The following CCT3 variants were observed in gnomAD, a reference collection of about 807,000 sequenced individuals.
CCT3 encodes the protein chaperonin containing TCP1 subunit 3, also known as T-complex protein 1 subunit gamma.
CCT3 carries 10 observed loss-of-function variants against 65.3 expected under a neutral mutation model. That is an observed-to-expected ratio of 0.15 (90% CI 0.09 to 0.26). The LOEUF is 0.26. Ranked by LOEUF, CCT3 falls within the 10% of genes least tolerant of loss-of-function variation. CCT3 has a pLI of 1.00. For synonymous variants in CCT3, 225 were observed against 242.3 expected, an observed-to-expected ratio of 0.93 and a Z score of 0.66; for missense variants, 626 against 708.7, an observed-to-expected ratio of 0.88 and a Z score of 1.33.
chr1:156,313,351 A>G (rs143871611), intron 10 of CCT3, among the ~76,000 whole-genome samples: 39 of 8,902 alleles, frequency 4.4e-3, no homozygotes, highest in Admixed American at 7.7e-3. Context: ...AAAAAAAAAG[A>G]AAAAAAAAAA....
chr1:156,324,689 G>A (rs1057230485), intron 6 of CCT3, among the ~76,000 whole-genome samples: 2 of 151,898 alleles, frequency 1.3e-5, no homozygotes, highest in Non-Finnish European at 1.5e-5. Context: ...GCACAGTGGG[G>A]CCATCTCAGC....
At chr1:156,333,693 C>T (rs987807600) in intron 4 of CCT3, 50 bp from the exon 5 acceptor site, 2 of 1,394,788 alleles carry the variant, frequency 1.4e-6, no homozygotes, top group Non-Finnish European at 2.0e-6. Flanking sequence ...GACCTCTGAA[C>T]TCATGAAGCT....
At chr1:156,337,860 G>A in intron 1 of CCT3, 1 of 501,730 alleles carries the variant, frequency 2.0e-6, no homozygotes, top group South Asian at 3.0e-5. Context: ...AAGGGCGCAG[G>A]GGCGGGGGAA....
intron 1 of CCT3, chr1:156,337,174 G>A (rs1218263440): frequency 3.9e-6 from 3 of 764,588 alleles, no homozygotes; most frequent in Non-Finnish European, 5.7e-6. Flanking sequence ...GGAGGCCGAG[G>A]TGGGCGGATC....
intron 3 of CCT3, 39 bp from the exon 4 acceptor site, chr1:156,334,814 A>G (rs1558274881): frequency 4.3e-6 from 7 of 1,613,826 alleles, no homozygotes; most frequent in African/African-American, 1.3e-5. Flanking sequence ...AGTGTCCTAG[A>G]TAACAGGAAG....
At position 156,329,615 on chromosome 1, in the gene CCT3, T is replaced by C. The variant is rs143651426; in HGVS notation, c.304+3932A>G. On this transcript the variant is annotated intron_variant, in intron 5 of 13. Coordinates refer to ENST00000295688, the MANE Select transcript of CCT3 (RefSeq NM_005998.5). ...CCACCGCGCCCAGCCCATATCCCCA[T>C]CATTAAGCAGCATATTATTGCATTT... Among the ~76,000 whole-genome samples the C allele has an allele frequency of 7.0e-3, 1,049 of 150,208 alleles. 13 individuals are homozygous for C. Among genetic ancestry groups the C allele is most frequent in the African/African-American group, 0.025 (1,009 of 41,118 alleles).
chr1:156,328,505 T>G (rs1165177240), intron 5 of CCT3, among the ~76,000 whole-genome samples: 1 of 152,072 alleles, frequency 6.6e-6, no homozygotes, highest in African/African-American at 2.4e-5. Context: ...CATTTTGTTC[T>G]GTACTAAGAA....
chr1:156,335,028 T>A (rs1458856063), intron 2 of CCT3, 110 bp from the exon 3 acceptor site: 2 of 867,780 alleles, frequency 2.3e-6, no homozygotes, highest in Non-Finnish European at 3.6e-6. Flanking sequence ...CAGTGTTTTA[T>A]TTTATTTTAA....
intron 7 of CCT3, 130 bp from the exon 8 acceptor site, chr1:156,319,147 C>G: frequency 2.7e-6 from 2 of 740,402 alleles, no homozygotes; most frequent in South Asian, 4.0e-5. Flanking sequence ...GAGTCTCGCT[C>G]TGTCGCTCAG....
chr1:156,322,702 A>T (rs1380024380), intron 6 of CCT3, among the ~76,000 whole-genome samples: 2 of 151,910 alleles, frequency 1.3e-5, no homozygotes, highest in Admixed American at 6.6e-5. Flanking sequence ...TCTACTAAAA[A>T]TACAAAATTA....
rs777403305 is a variant in CCT3, at chr1:156,330,223, C to T, written c.304+3324G>A. 8.5e-5 allele frequency among the ~76,000 whole-genome samples: 13 copies of T among 152,286 alleles called. No homozygotes were observed. The East Asian group carries it at 1.9e-3, about 23-fold the overall frequency. ...AAATAAAAAAGAGTATGAAATCTTTCCTCCCTCCTCTTTCATCCTTCCAGG... is the reference window on the plus strand; with the variant it reads ...AAATAAAAAAGAGTATGAAATCTTTTCTCCCTCCTCTTTCATCCTTCCAGG... On this transcript the variant is annotated intron_variant, in intron 5 of 13. Transcript: ENST00000295688.
chr1:156,329,496 A>G (rs910357167), intron 5 of CCT3, among the ~76,000 whole-genome samples: 1 of 151,768 alleles, frequency 6.6e-6, no homozygotes, highest in African/African-American at 2.4e-5. Context: ...TAGCAAAGAC[A>G]GGGTTTCACC....
intron 5 of CCT3, among the ~76,000 whole-genome samples, chr1:156,327,397 T>A (rs975609315): frequency 9.9e-5 from 15 of 152,048 alleles, no homozygotes; most frequent in African/African-American, 3.6e-4. Context: ...CCTGCCTGAT[T>A]CTCCTGCCTC....
At chr1:156,333,448 T>TA (rs1264432289) in intron 5 of CCT3, 99 bp downstream of exon 5, 2 of 839,724 alleles carry the variant, frequency 2.4e-6, no homozygotes, top group East Asian at 4.9e-5. Context: ...GCTATTTAAA[T>TA]ATCTGTAATT....
At chr1:156,326,617 T>C (rs1373981747) in intron 5 of CCT3, among the ~76,000 whole-genome samples, 1 of 123,164 alleles carries the variant, frequency 8.1e-6, no homozygotes, top group Non-Finnish European at 1.6e-5. Context: ...GCCATTGCAC[T>C]CCAGCCTAAG....
intron 4 of CCT3, 104 bp downstream of exon 4, chr1:156,334,609 T>C: frequency 2.0e-6 from 2 of 1,013,144 alleles, no homozygotes; most frequent in Non-Finnish European, 3.0e-6. Context: ...TGGTAATCTG[T>C]TATAGCAGCC....
rs1224324233 is a variant in CCT3 at position 156,320,826 on chromosome 1, T to A, written c.609+13A>T. On this transcript the variant is annotated intron_variant, in intron 7 of 13. Transcript: ENST00000295688. ...ATATAATTTGACCCAATGTATACAC[T>A]TTGAAAGTTTACCTTTTCCACTCTT... The A allele has an allele frequency of 3.2e-6, 5 of 1,578,830 alleles. No individual in the cohort carries two copies. The Admixed American group carries it at 5.0e-5, about 16-fold the overall frequency.
At chr1:156,334,976 G>A in intron 2 of CCT3, 58 bp from the exon 3 acceptor site, 1 of 1,497,502 alleles carries the variant, frequency 6.7e-7, no homozygotes, top group Non-Finnish European at 9.3e-7. Flanking sequence ...TGTGAGAAAT[G>A]TTGGAGTAAT....
chr1:156,323,799 T>C (rs1664678852), intron 6 of CCT3, among the ~76,000 whole-genome samples: 1 of 145,062 alleles, frequency 6.9e-6, no homozygotes, highest in Non-Finnish European at 1.5e-5. Flanking sequence ...AGTTTTGTTG[T>C]TCGCCCAGGC....
Sources: gnomAD v4.1 joint callset for allele counts (sites outside exome capture counted in the v4.1 genomes callset) on GRCh38, gnomAD v4.1.1 for gene constraint, MANE v1.5 for transcripts, NCBI Gene and HGNC (gene_info 2026-07-23, HGNC 2026-07-21) for gene names.